PIH1D2: variants seen among roughly 807,000 people sequenced by gnomAD.
The protein encoded by PIH1D2 is PIH1 domain containing 2.
A neutral mutation model predicts 31.2 loss-of-function variants in PIH1D2; 25 were observed. The observed-to-expected ratio is 0.80, with a 90% CI of 0.58 to 1.12. The LOEUF (loss-of-function observed/expected upper bound fraction) is 1.12. Among genes scored for constraint, PIH1D2 ranks in the 50% most tolerant of loss-of-function variants. PIH1D2 has a pLI of 0.00. For missense variants in PIH1D2, 310 were observed against 356.6 expected (o/e 0.87, Z 1.05); for synonymous variants, 116 against 119.9 (o/e 0.97, Z 0.21).
the PIH1D2 span, among the ~76,000 whole-genome samples, chr11:112,057,084 T>A: frequency 6.6e-6 from 1 of 152,244 alleles, no homozygotes; most frequent in Non-Finnish European, 1.5e-5. Context: ...GGATCTTTGA[T>A]GTTACCATTG....
the PIH1D2 span, among the ~76,000 whole-genome samples, chr11:112,053,038 A>G: frequency 1.3e-5 from 2 of 152,148 alleles, no homozygotes; most frequent in African/African-American, 2.4e-5. Flanking sequence ...AATATTTATT[A>G]ATATTTTAGG....
downstream of PIH1D2, chr11:112,061,035 T>C: frequency 1.3e-6 from 2 of 1,583,468 alleles, no homozygotes. Context: ...TTTTTTCCTC[T>C]AGGGTGGCAC....
downstream of PIH1D2, among the ~76,000 whole-genome samples, chr11:112,065,024 T>C (rs1344064706): frequency 6.6e-6 from 1 of 151,738 alleles, no homozygotes; most frequent in African/African-American, 2.4e-5. Context: ...GTATTTTTAT[T>C]AGAGACAGGG....
downstream of PIH1D2, among the ~76,000 whole-genome samples, chr11:112,061,874 T>C (rs1864650095): frequency 6.6e-6 from 1 of 152,216 alleles, no homozygotes; most frequent in Non-Finnish European, 1.5e-5. Context: ...TGAGCCAGTG[T>C]GCCTGGCCAG....
Position 112,070,708 on chromosome 11 carries a change from GA to G in PIH1D2, c.548-8del. ...ATCTGTCCAAGAGTTAGTTCTTTATGAAAAAAAGGGTGGAGGGGAGATAAAA... is the reference window on the plus strand; with the variant it reads ...ATCTGTCCAAGAGTTAGTTCTTTATGAAAAAAGGGTGGAGGGGAGATAAAA... On this transcript the variant is annotated splice_polypyrimidine_tract_variant and splice_region_variant and intron_variant, in intron 4 of 5. Coordinates refer to ENST00000280350, the MANE Select transcript of PIH1D2 (RefSeq NM_138789.4). The G allele has an allele frequency of 2.5e-6, 4 of 1,592,756 alleles. No individual in the cohort carries two copies. The highest frequency in any genetic ancestry group is 1.7e-6 in the Non-Finnish European group (2 of 1,171,514).
chr11:112,071,366 C>T (rs1240689308), intron 3 of PIH1D2, 83 bp from the exon 4 acceptor site: 8 of 1,445,306 alleles, frequency 5.5e-6, no homozygotes, highest in Non-Finnish European at 6.6e-6. Flanking sequence ...AAACCATATT[C>T]CTGATAAAGC....
chr11:112,064,663 G>C (rs782000967), downstream of PIH1D2, among the ~76,000 whole-genome samples: 1 of 152,096 alleles, frequency 6.6e-6, no homozygotes, highest in East Asian at 1.9e-4. Context: ...TCTGAAGCTT[G>C]TGATTGTGAA....
chr11:112,071,391 G>A, intron 3 of PIH1D2, 108 bp from the exon 4 acceptor site: 1 of 1,402,318 alleles, frequency 7.1e-7, no homozygotes, highest in South Asian at 1.4e-5. Context: ...GAATATTCCT[G>A]TATTTTTCAG....
chr11:112,072,884 CAA>C (rs202237607), intron 2 of PIH1D2, 112 bp downstream of exon 2: 2 of 927,060 alleles, frequency 2.2e-6, no homozygotes, highest in African/African-American at 2.0e-5. Context: ...CAAAACAAAA[CAA>C]AACAAAAAAA....
chr11:112,057,706 A>G, the PIH1D2 span, among the ~76,000 whole-genome samples: 3 of 152,202 alleles, frequency 2.0e-5, no homozygotes, highest in African/African-American at 7.2e-5. Flanking sequence ...CATGAGGTTG[A>G]AGGAAAGGAG....
downstream of PIH1D2, among the ~76,000 whole-genome samples, chr11:112,060,336 A>G (rs1555183079): frequency 6.7e-6 from 1 of 149,730 alleles, no homozygotes; most frequent in South Asian, 2.1e-4. Context: ...AGTTTTTTGT[A>G]TTTTTAGTAG....
chr11:112,056,145 A>G, the PIH1D2 span, among the ~76,000 whole-genome samples: 43 of 152,004 alleles, frequency 2.8e-4, no homozygotes, highest in Admixed American at 2.8e-3. Context: ...GGATTACAGC[A>G]TGAGCCACCG....
Position 112,073,129 on chromosome 11 carries a change from A to T in PIH1D2, c.46T>A (p.Trp16Arg). The T allele has an allele frequency of 6.2e-7, 1 of 1,613,916 alleles. No individual in the cohort carries two copies. The highest frequency in any genetic ancestry group is 1.7e-5 in the Admixed American group (1 of 60,000). The part of the protein sequence containing the change: ...KGLLTQVTQF[W>R]NLLDDLAQSD... The stretch of plus-strand genomic sequence containing the variant: ...TGAGCTAGATCATCTAGGAGGTTCC[A>T]AAACTGAGTAACTTGGGTAAGCAGA... Residue 16 changes from tryptophan to arginine, a missense_variant, in exon 2 of 6, where the codon TGG becomes AGG. Trp to Arg is a moderately radical substitution (Grantham distance 101). Transcript: ENST00000280350.
Position 112,071,133 on chromosome 11 carries a change from G to T in PIH1D2, c.452C>A (p.Thr151Asn). 1 of 1,613,616 alleles carries T rather than the reference G, an allele frequency of 6.2e-7. No individual in the cohort carries two copies. Among genetic ancestry groups the T allele is most frequent in the South Asian group, 1.1e-5 (1 of 91,074 alleles). Residue 151 changes from threonine (T) to asparagine (N), a missense_variant, in exon 4 of 6, where the codon ACC becomes AAC. Transcript: ENST00000280350. The stretch of plus-strand genomic sequence containing the variant: ...AATGCTTCCTTTTATTCTAAATTTG[G>T]TAATATGGTAAGAGTGTGAGAGGGT... ...QFTLSHSYHI[T>N]KFRIKGSIQR...
At chr11:112,071,499 A>G in intron 3 of PIH1D2, 136 bp downstream of exon 3, 1 of 1,299,288 alleles carries the variant, frequency 7.7e-7, no homozygotes, top group Non-Finnish European at 1.1e-6. Flanking sequence ...ACAGTATTAA[A>G]TTTGCATAAA....
At chr11:112,063,296 T>C (rs587605312), downstream of PIH1D2, 1 of 152,212 alleles carries the variant, frequency 6.6e-6, no homozygotes, top group Non-Finnish European at 1.5e-5. Flanking sequence ...AAAAGAAACA[T>C]TGTTAATATA....
Position 112,072,790 on chromosome 11 carries a change from G to A in PIH1D2, c.177+208C>T, listed in dbSNP as rs149482689. Reference sequence around the variant, plus strand: ...GAGGCAGGAGAATCGCTTAAACCCGGGAGGCAGAGGTTGCAGCGAGCCAAG... The same window carrying A: ...GAGGCAGGAGAATCGCTTAAACCCGAGAGGCAGAGGTTGCAGCGAGCCAAG... On this transcript the variant is annotated intron_variant, in intron 2 of 5. Coordinates refer to ENST00000280350, the MANE Select transcript of PIH1D2 (RefSeq NM_138789.4). The A allele has an allele frequency of 1.4e-3, 616 of 447,816 alleles. 4 individuals carry two copies. Among genetic ancestry groups the A allele is most frequent in the African/African-American group, 0.011 (550 of 50,188 alleles). The allele number at this position is 447,816 out of a possible 1,614,324, so 27.7% of individuals were successfully genotyped here.
In PIH1D2 at chr11:112,073,211, G is replaced by GA; in HGVS notation, c.-31-7dup. On this transcript the variant is annotated splice_polypyrimidine_tract_variant and splice_region_variant and intron_variant, in intron 1 of 5. Coordinates refer to ENST00000280350, the MANE Select transcript of PIH1D2 (RefSeq NM_138789.4). Reference sequence around the variant, plus strand: ...GGTGAATAATTTTCTTAAGCCTGTGGAAAAACACGACTTCAGGAAGAAAAC... The same window carrying GA: ...GGTGAATAATTTTCTTAAGCCTGTGGAAAAAACACGACTTCAGGAAGAAAAC... 6.7e-7 allele frequency: 1 copy of GA among 1,497,242 alleles called. No individual in the cohort carries two copies. The highest frequency in any genetic ancestry group is 2.3e-5 in the East Asian group (1 of 43,430). 92.7% of individuals were successfully genotyped at this position (1,497,242 alleles called of 1,614,324 possible).
In PIH1D2 at chr11:112,068,013, T is replaced by G; in HGVS notation, c.814-8A>C. 1 of 1,534,684 alleles carries G rather than the reference T, an allele frequency of 6.5e-7. No individual in the cohort carries two copies. The highest frequency in any genetic ancestry group is 2.3e-5 in the East Asian group (1 of 43,748). ...TTCAATCAATAAATCATCCTAAGAA[T>G]AATAAACCAAGAGATTTATTTCCTG... On this transcript the variant is annotated splice_polypyrimidine_tract_variant and splice_region_variant and intron_variant, in intron 5 of 5. Transcript: ENST00000280350.
Sources: gnomAD v4.1 joint callset for allele counts (sites outside exome capture counted in the v4.1 genomes callset) on GRCh38, gnomAD v4.1.1 for gene constraint, MANE v1.5 for transcripts, NCBI Gene and HGNC (gene_info 2026-07-23, HGNC 2026-07-21) for gene names.